Variants in PHF12 observed in about 807,000 individuals in gnomAD.
PHF12 encodes the protein PHD factor 1.
In PHF12, 6 loss-of-function variants were observed where a neutral mutation model predicts 99.8. That is an observed-to-expected ratio of 0.06 (90% CI 0.03 to 0.12). PHF12 has a LOEUF of 0.12. PHF12 is among the 10% of genes least tolerant of loss of function. The pLI, the probability that PHF12 is intolerant of heterozygous loss-of-function variation, is 1.00. For missense variants in PHF12, 954 were observed against 1,300.1 expected (o/e 0.73, Z 4.09); for synonymous variants, 480 against 514.9 (o/e 0.93, Z 0.92).
intron 2 of PHF12, among the ~76,000 whole-genome samples, chr17:28,943,903 T>C (rs951628362): frequency 1.3e-5 from 2 of 152,248 alleles, no homozygotes; most frequent in Non-Finnish European, 2.9e-5. Context: ...ACTTGTACTT[T>C]CACTCAGGTT....
chr17:28,915,824 AG>A (rs2152660684), intron 7 of PHF12, among the ~76,000 whole-genome samples: 1 of 152,334 alleles, frequency 6.6e-6, no homozygotes, highest in East Asian at 1.9e-4. Flanking sequence ...AAACTGTCCA[AG>A]TACAAAATGC....
intron 2 of PHF12, among the ~76,000 whole-genome samples, chr17:28,937,636 C>T (rs899493363): frequency 5.3e-5 from 8 of 152,078 alleles, no homozygotes; most frequent in African/African-American, 1.2e-4. Context: ...GGCATCTTCC[C>T]GGTAAAGGAC....
intron 2 of PHF12, among the ~76,000 whole-genome samples, chr17:28,942,939 C>T (rs1174237873): frequency 6.6e-6 from 1 of 151,950 alleles, no homozygotes; most frequent in Non-Finnish European, 1.5e-5. Flanking sequence ...CTTATATTTA[C>T]AACATATAAA....
intron 2 of PHF12, among the ~76,000 whole-genome samples, chr17:28,935,210 T>C (rs2152673916): frequency 1.3e-5 from 2 of 152,364 alleles, no homozygotes; most frequent in Admixed American, 1.3e-4. Flanking sequence ...GGCCCTGGCC[T>C]ACAATTCCTG....
At chr17:28,910,406 A>G in intron 10 of PHF12, 37 bp from the exon 11 acceptor site, 3 of 1,586,172 alleles carry the variant, frequency 1.9e-6, no homozygotes, top group Non-Finnish European at 2.6e-6. Flanking sequence ...AGCAGCTGAG[A>G]TGGGAAGTGG....
chr17:28,939,208 A>G (rs886449298), intron 2 of PHF12, among the ~76,000 whole-genome samples: 1 of 152,260 alleles, frequency 6.6e-6, no homozygotes. Flanking sequence ...AGGCAAAACA[A>G]CAAGGACCAC....
At chr17:28,913,728 G>A in intron 8 of PHF12, 151 bp downstream of exon 8, 1 of 1,165,652 alleles carries the variant, frequency 8.6e-7, no homozygotes, top group South Asian at 1.6e-5. Context: ...ATTTGAGCCA[G>A]AAGTTCCCCC....
chr17:28,950,330 C>T lies in PHF12; in HGVS notation c.67-84G>A, dbSNP rs540415357. The stretch of plus-strand genomic sequence containing the variant: ...CCCCCCGGCGCGGTTTCTCCGTCAC[C>T]CACCCCTCTCCCCCCTTTTGTCCTT... On this transcript the variant is annotated intron_variant, in intron 1 of 14. Transcript: ENST00000332830. The surrounding 1 kb of genome is among the most constrained non-coding windows in gnomAD (Gnocchi z 5.7). The T allele has an allele frequency of 4.6e-4, 635 of 1,379,918 alleles. 4 individuals carry two copies. In the African/African-American group the frequency reaches 7.6e-3, roughly 16 times the overall value. The allele number at this position is 1,379,918 out of a possible 1,614,324, so 85.5% of individuals were successfully genotyped here. A position where few individuals can be genotyped will look rare whatever the true frequency, so the allele number is the denominator to read the frequency against.
intron 7 of PHF12, among the ~76,000 whole-genome samples, chr17:28,915,621 C>G (rs958478584): frequency 2.0e-5 from 3 of 152,118 alleles, no homozygotes; most frequent in Non-Finnish European, 2.9e-5. Context: ...TATTCCACTA[C>G]CCCTGGGGTA....
Position 28,906,950 on chromosome 17 carries a change from T to C in PHF12, c.2586A>G (p.Thr862=). The C allele has an allele frequency of 6.2e-7, 1 of 1,613,462 alleles. No individual in the cohort carries two copies. Among genetic ancestry groups the C allele is most frequent in the South Asian group, 1.1e-5 (1 of 91,030 alleles). ...ATGAATACAGCACATTGTCCACCGT[T>C]GTCCCATGCTCACTGTAGTTTAACA... ...YELLNYSEHG[T]TVDNVLYSCD... Residue 862 remains threonine, a synonymous_variant, in exon 14 of 15, where the codon ACA becomes ACG. Transcript: ENST00000332830. This position sits in a 1 kb window ranked among gnomAD's most constrained non-coding sequence, Gnocchi z 4.2.
intron 2 of PHF12, among the ~76,000 whole-genome samples, chr17:28,938,536 G>C (rs148029958): frequency 6.7e-4 from 102 of 152,236 alleles, no homozygotes; most frequent in African/African-American, 2.3e-3. Context: ...CCTGAGAGCA[G>C]GTTTCTACTT....
rs2152681247 is a variant in PHF12, at chr17:28,950,943, C to G, written c.18G>C (p.Glu6Asp). 6.2e-7 allele frequency: 1 copy of G among 1,614,040 alleles called. No individual in the cohort carries two copies. The highest frequency in any genetic ancestry group is 8.5e-7 in the Non-Finnish European group (1 of 1,179,940). The change falls in exon 1 of 15, where the codon GAG (glutamate) becomes GAC (aspartate). Residue 6 changes from glutamate (E) to aspartate (D), a missense_variant. By Grantham distance (45) the Glu-to-Asp change is conservative (BLOSUM62 2). Transcript: ENST00000332830. The surrounding 1 kb of genome is among the most constrained non-coding windows in gnomAD (Gnocchi z 5.7). MWEKM[E>D]TKTIVYDLDT... ...CCAAGTCGTACACGATCGTCTTGGTCTCCATTTTCTCCCACATTCATCCAC... is the reference window on the plus strand; with the variant it reads ...CCAAGTCGTACACGATCGTCTTGGTGTCCATTTTCTCCCACATTCATCCAC...
chr17:28,906,089 A>G lies in PHF12; in HGVS notation c.*94T>C, dbSNP rs2039866404. On this transcript the variant is annotated 3_prime_UTR_variant, in exon 15 of 15. Coordinates refer to ENST00000332830, the MANE Select transcript of PHF12 (RefSeq NM_001033561.2). This position sits in a 1 kb window ranked among gnomAD's most constrained non-coding sequence, Gnocchi z 4.2. ...ATTGTAGTTGAAGGGTTTCTGGTAG[A>G]GTATAGAAAACACCCGGGCTTGGTT... 8.3e-7 allele frequency: 1 copy of G among 1,199,010 alleles called. No homozygotes were observed. The highest frequency in any genetic ancestry group is 1.6e-5 in the South Asian group (1 of 61,626). 74.3% of individuals were successfully genotyped at this position (1,199,010 alleles called of 1,614,324 possible).
At chr17:28,939,699 C>A (rs772367758) in intron 2 of PHF12, among the ~76,000 whole-genome samples, 1 of 152,222 alleles carries the variant, frequency 6.6e-6, no homozygotes, top group Non-Finnish European at 1.5e-5. Context: ...CTGTTCTCTG[C>A]ACAAATGCAG....
intron 2 of PHF12, chr17:28,944,480 C>A: frequency 1.0e-6 from 1 of 979,154 alleles, no homozygotes; most frequent in Non-Finnish European, 1.2e-6. Context: ...TGCATCTGAA[C>A]CTGAGTTAAA....
Position 28,951,158 on chromosome 17 carries a change from G to T in PHF12, c.-198C>A, listed in dbSNP as rs529738083. ...ACAGCGTCCTCCCGACGGGCCGCGA[G>T]GGGGGAGCGGCCCCTCAGTCCCGGC... On this transcript the variant is annotated 5_prime_UTR_variant, in exon 1 of 15. Coordinates refer to ENST00000332830, the MANE Select transcript of PHF12 (RefSeq NM_001033561.2). The T allele has an allele frequency of 5.3e-5, 76 of 1,424,374 alleles. No individual in the cohort carries two copies. The highest frequency in any genetic ancestry group is 2.3e-4 in the Admixed American group (8 of 34,770). The allele number at this position is 1,424,374 out of a possible 1,614,324, so 88.2% of individuals were successfully genotyped here.
chr17:28,917,066 G>C (rs534972851), intron 7 of PHF12, among the ~76,000 whole-genome samples: 1 of 152,298 alleles, frequency 6.6e-6, no homozygotes, highest in African/African-American at 2.4e-5. Context: ...GAAAACTAGA[G>C]ACTGGTAGAC....
intron 2 of PHF12, among the ~76,000 whole-genome samples, chr17:28,948,958 G>T (rs748283157): frequency 2.6e-5 from 4 of 152,122 alleles, no homozygotes; most frequent in East Asian, 1.9e-4. Context: ...GGGCAGAGGT[G>T]ATTTCGGCCG....
At chr17:28,934,655 G>C (rs1393981228) in intron 2 of PHF12, among the ~76,000 whole-genome samples, 1 of 145,108 alleles carries the variant, frequency 6.9e-6, no homozygotes, top group Non-Finnish European at 1.5e-5. Context: ...CTGTTGCCCA[G>C]GCTGGAGCGC....
Sources: gnomAD v4.1 joint callset for allele counts (sites outside exome capture counted in the v4.1 genomes callset) on GRCh38, gnomAD v4.1.1 for gene constraint, Gnocchi (gnomAD v3.1) non-coding constraint, MANE v1.5 for transcripts, NCBI Gene and HGNC (gene_info 2026-07-23, HGNC 2026-07-21) for gene names.